The following CSMD1 variants were observed in gnomAD, a reference collection of about 807,000 sequenced individuals.
CSMD1 encodes CUB and sushi domain-containing protein 1.
Under a neutral mutation model 417.5 loss-of-function variants are expected in CSMD1, and 213 were observed. The ratio of observed to expected loss-of-function variants is 0.51; its 90% confidence interval spans 0.46 to 0.57. CSMD1 has a LOEUF of 0.57. Among genes scored for constraint, CSMD1 ranks in the 20% least tolerant of loss-of-function variants. The pLI, the probability that CSMD1 is intolerant of heterozygous loss-of-function variation, is 0.00. For missense variants in CSMD1, 6,923 were observed against 4,529.7 expected (o/e 1.53, Z -15.17); for synonymous variants, 2,862 against 1,736.8 (o/e 1.65, Z -16.11).
intron 25 of CSMD1, among the ~76,000 whole-genome samples, chr8:3,305,390 T>G (rs1804753511): frequency 6.6e-6 from 1 of 151,996 alleles, no homozygotes; most frequent in Admixed American, 6.6e-5. Flanking sequence ...ATGTTGAAAT[T>G]TAATTGCCAT....
chr8:3,508,108 C>T (rs1796908476), intron 10 of CSMD1, among the ~76,000 whole-genome samples: 1 of 152,082 alleles, frequency 6.6e-6, no homozygotes, highest in Non-Finnish European at 1.5e-5. Context: ...ATGGTATTGC[C>T]TAGGTTTCCT....
intron 10 of CSMD1, among the ~76,000 whole-genome samples, chr8:3,520,058 C>T (rs920736930): frequency 7.9e-6 from 1 of 126,104 alleles, no homozygotes; most frequent in Non-Finnish European, 1.6e-5. Flanking sequence ...AGTTGTGAAA[C>T]TTGCTCCACA....
chr8:3,168,546 A>G (rs1042902106), intron 37 of CSMD1, among the ~76,000 whole-genome samples: 1 of 152,062 alleles, frequency 6.6e-6, no homozygotes, highest in Non-Finnish European at 1.5e-5. Context: ...TAAATGTCAA[A>G]TGCCATGATT....
rs574178386 is a variant in CSMD1, at chr8:3,588,756, G to A, written c.1098-2496C>T. On this transcript the variant is annotated intron_variant, in intron 8 of 69. Transcript: ENST00000635120. ...GATGACATCAAACTAAAACCCTTAC[G>A]CACAGTAAAGGAAACAACAAACAGA... 6.0e-4 allele frequency among the ~76,000 whole-genome samples: 90 copies of A among 150,244 alleles called. 1 individual carries two copies. Among genetic ancestry groups the A allele is most frequent in the South Asian group, 3.6e-3 (17 of 4,670 alleles).
At chr8:4,067,172 G>A (rs999426853) in intron 3 of CSMD1, among the ~76,000 whole-genome samples, 1 of 152,154 alleles carries the variant, frequency 6.6e-6, no homozygotes, top group African/African-American at 2.4e-5. Context: ...AAAGATACTG[G>A]GTGAAAGGCT....
At chr8:4,919,365 G>A (rs1025674489) in intron 1 of CSMD1, among the ~76,000 whole-genome samples, 2 of 152,162 alleles carry the variant, frequency 1.3e-5, no homozygotes, top group South Asian at 2.1e-4. Flanking sequence ...TTAAAATTTA[G>A]CATAAACAAA....
At chr8:4,069,670 C>T (rs80169204) in intron 3 of CSMD1, among the ~76,000 whole-genome samples, 1,756 of 152,224 alleles carry the variant, frequency 0.012, 34 homozygotes, top group African/African-American at 0.039. Context: ...CCTGTTTCTC[C>T]GACTGGATTG....
At chr8:3,929,627 G>C (rs1044585651) in intron 5 of CSMD1, among the ~76,000 whole-genome samples, 5 of 149,852 alleles carry the variant, frequency 3.3e-5, no homozygotes, top group African/African-American at 7.4e-5. Flanking sequence ...AAAAGGAAGA[G>C]TATATTGTTT....
At chr8:3,411,266 T>C (rs1397851870) in intron 12 of CSMD1, among the ~76,000 whole-genome samples, 1 of 152,182 alleles carries the variant, frequency 6.6e-6, no homozygotes, top group Non-Finnish European at 1.5e-5. Flanking sequence ...TGGTTTTACT[T>C]TTAGAATTCT....
intron 3 of CSMD1, among the ~76,000 whole-genome samples, chr8:4,366,590 G>A (rs1006485730): frequency 5.3e-5 from 8 of 151,980 alleles, no homozygotes; most frequent in Admixed American, 3.9e-4. Context: ...ACCAGCATCT[G>A]TTGTTTTTTT....
chr8:4,141,988 C>G (rs7843132), intron 3 of CSMD1, among the ~76,000 whole-genome samples: 16,896 of 150,624 alleles, frequency 0.11, 1,915 homozygotes, highest in East Asian at 0.28. Flanking sequence ...TTAAATTTCT[C>G]TCAACTTATA....
intron 5 of CSMD1, among the ~76,000 whole-genome samples, chr8:3,977,958 T>A: frequency 6.6e-6 from 1 of 152,176 alleles, no homozygotes; most frequent in East Asian, 1.9e-4. Context: ...CACGGCTGCC[T>A]TTTACGTGTC....
intron 7 of CSMD1, among the ~76,000 whole-genome samples, chr8:3,636,939 T>C (rs369980747): frequency 1.3e-5 from 2 of 152,168 alleles, no homozygotes; most frequent in African/African-American, 2.4e-5. Context: ...ATTAGTATCA[T>C]TATTGAGATG....
chr8:4,315,302 A>T (rs1408373089), intron 3 of CSMD1, among the ~76,000 whole-genome samples: 2 of 152,068 alleles, frequency 1.3e-5, no homozygotes, highest in African/African-American at 4.8e-5. Flanking sequence ...AGACCCTTTT[A>T]CCCTAAGGTC....
At chr8:4,035,225 G>A (rs374943642) in intron 3 of CSMD1, among the ~76,000 whole-genome samples, 1 of 152,108 alleles carries the variant, frequency 6.6e-6, no homozygotes. Flanking sequence ...CGTGTCTGTG[G>A]TGACGCCGGT....
chr8:4,259,312 T>C (rs1028188686), intron 3 of CSMD1, among the ~76,000 whole-genome samples: 1 of 152,114 alleles, frequency 6.6e-6, no homozygotes, highest in African/African-American at 2.4e-5. Context: ...TTAAGACTGT[T>C]TTCCTCCCTC....
intron 54 of CSMD1, among the ~76,000 whole-genome samples, chr8:2,992,115 T>A (rs540240783): frequency 2.6e-5 from 4 of 152,156 alleles, no homozygotes; most frequent in Non-Finnish European, 1.5e-5. Flanking sequence ...AACACATGCA[T>A]GAATAGTACA....
rs189753167 is a variant in CSMD1, at chr8:4,102,427, T to C, written c.416-70328A>G. Among the ~76,000 whole-genome samples, 7 of 152,302 alleles carry C rather than the reference T, an allele frequency of 4.6e-5. No homozygotes were observed. In the East Asian group the frequency reaches 1.2e-3, roughly 25 times the overall value. On this transcript the variant is annotated intron_variant, in intron 3 of 69. Coordinates refer to ENST00000635120, the MANE Select transcript of CSMD1 (RefSeq NM_033225.6). ...CTGGAGAATATTCTCCCTGATTCTG[T>C]CATAATAGATTTAAGAAAGTCCTTG... is the stretch of plus-strand genomic sequence containing the variant.
chr8:4,779,867 C>T (rs1048006692), intron 1 of CSMD1, among the ~76,000 whole-genome samples: 1 of 152,132 alleles, frequency 6.6e-6, no homozygotes. Context: ...AGCAACTGCT[C>T]CCCAGGCTTG....
Sources: allele counts gnomAD v4.1 joint callset (sites outside exome capture counted in the v4.1 genomes callset), GRCh38; gene constraint gnomAD v4.1.1; transcripts MANE v1.5; gene names NCBI Gene and HGNC (gene_info 2026-07-23, HGNC 2026-07-21).